FAAP20: variants seen among roughly 807,000 people sequenced by gnomAD.
FAAP20 encodes Fanconi anemia core complex-associated protein 20.
In FAAP20, 12 loss-of-function variants were observed where a neutral mutation model predicts 16.2. The observed-to-expected ratio is 0.74, with a 90% CI of 0.48 to 1.20. The LOEUF is 1.20. Among genes scored for constraint, FAAP20 ranks in the 50% most tolerant of loss-of-function variants. FAAP20 has a pLI of 0.00. For synonymous variants in FAAP20, 141 were observed against 110.7 expected, an observed-to-expected ratio of 1.27 and a Z score of -1.72; for missense variants, 288 against 245.8, an observed-to-expected ratio of 1.17 and a Z score of -1.15.
downstream of FAAP20, chr1:2,186,208 C>T (rs1322686494): frequency 8.5e-6 from 3 of 354,024 alleles, no homozygotes; most frequent in Non-Finnish European, 1.8e-5. Context: ...CCCCAGGCCT[C>T]CATGACTCAG....
At chr1:2,198,811 G>A (rs1379032161), upstream of FAAP20, 1 of 1,289,580 alleles carries the variant, frequency 7.8e-7, no homozygotes, top group South Asian at 1.2e-5. Context: ...CAGGAACTGG[G>A]CTGTGCTCCA....
chr1:2,210,936 G>A (rs1159368082), downstream of FAAP20, among the ~76,000 whole-genome samples: 3 of 152,246 alleles, frequency 2.0e-5, no homozygotes, highest in Non-Finnish European at 2.9e-5. Context: ...CCTGGGCTTA[G>A]CGACTGCTGC....
downstream of FAAP20, chr1:2,185,253 C>T (rs369643954): frequency 1.5e-5 from 11 of 713,796 alleles, no homozygotes; most frequent in Admixed American, 4.0e-5. Flanking sequence ...GCGGCGGATC[C>T]GCGGGGACCC....
chr1:2,207,187 C>T (rs1689289519), downstream of FAAP20, among the ~76,000 whole-genome samples: 1 of 152,040 alleles, frequency 6.6e-6, no homozygotes, highest in Admixed American at 6.6e-5. Flanking sequence ...CCCCAGGTTC[C>T]CAGTCTGCTG....
At chr1:2,191,564 G>C (rs1363800252) in intron 3 of FAAP20, 2 of 152,562 alleles carry the variant, frequency 1.3e-5, no homozygotes, top group African/African-American at 4.8e-5. Context: ...GACCAACATG[G>C]TGAAACCCTG....
At chr1:2,185,807 G>C (rs555157884), downstream of FAAP20, among the ~76,000 whole-genome samples, 155 of 152,342 alleles carry the variant, frequency 1.0e-3, no homozygotes, top group Middle Eastern at 0.01. Flanking sequence ...CTCGTGCGAC[G>C]CATTTGATTT....
chr1:2,194,203 G>A (rs1688599289), intron 1 of FAAP20, 70 bp from the exon 2 acceptor site: 15 of 1,579,422 alleles, frequency 9.5e-6, no homozygotes, highest in African/African-American at 1.4e-5. Context: ...AGACCCGGGA[G>A]GGCCTGGGGC....
At chr1:2,210,494 G>C (rs1161558366), downstream of FAAP20, among the ~76,000 whole-genome samples, 1 of 152,158 alleles carries the variant, frequency 6.6e-6, no homozygotes, top group Admixed American at 6.5e-5. Context: ...GCCAGGTGGG[G>C]GTGGGGCTGA....
chr1:2,192,240 G>A, intron 3 of FAAP20: 4 of 986,182 alleles, frequency 4.1e-6, no homozygotes, highest in Non-Finnish European at 4.8e-6. Context: ...TTGTCCCCCA[G>A]CTAGCCTGCC....
chr1:2,211,683 T>A (rs1346663689), downstream of FAAP20, among the ~76,000 whole-genome samples: 2 of 150,756 alleles, frequency 1.3e-5, no homozygotes, highest in Non-Finnish European at 3.0e-5. Flanking sequence ...TCTCCTGGCC[T>A]TGTGATCCGC....
rs569218780 is a variant in FAAP20 at position 2,189,834 on chromosome 1, A to G, written c.471-53T>C. 8 of 1,379,680 alleles carry G rather than the reference A, an allele frequency of 5.8e-6. No homozygotes were observed. In the East Asian group the frequency reaches 1.6e-4, roughly 28 times the overall value. 85.5% of individuals were successfully genotyped at this position (1,379,680 alleles called of 1,614,324 possible). On this transcript the variant is annotated intron_variant, in intron 3 of 3. Transcript: ENST00000378546. The stretch of plus-strand genomic sequence containing the variant: ...GCCACCTCCGCGGCATGCTGGCCGC[A>G]GAGAGCACCGTCTGGACCTCCGGGC...
intron 3 of FAAP20, among the ~76,000 whole-genome samples, chr1:2,204,951 A>G (rs1194845242): frequency 8.9e-5 from 2 of 22,378 alleles, no homozygotes; most frequent in Admixed American, 5.8e-4. Flanking sequence ...CCGCCCCTCA[A>G]GCCCCGCCCC....
downstream of FAAP20, chr1:2,185,131 G>A (rs143864233): frequency 2.0e-4 from 194 of 949,144 alleles, 1 homozygote; most frequent in African/African-American, 2.4e-3. Flanking sequence ...CGCTTGCGCC[G>A]AGACCGCAGA....
At chr1:2,202,225 C>A (rs1184641032), upstream of FAAP20, among the ~76,000 whole-genome samples, 1 of 152,200 alleles carries the variant, frequency 6.6e-6, no homozygotes, top group African/African-American at 2.4e-5. Flanking sequence ...GGGCTGCTCT[C>A]CCCTACCAGG....
rs763989535 is a variant in FAAP20, at chr1:2,193,751, G to C, written c.358C>G (p.Gln120Glu). 6.9e-6 allele frequency: 11 copies of C among 1,592,008 alleles called. No homozygotes were observed. The African/African-American group carries it at 1.5e-4, about 22-fold the overall frequency. ...HLESPARSLPQRPAPDPCRAP... is the reference protein window; with the variant it reads ...HLESPARSLPERPAPDPCRAP... ...CTGCAGGGATCAGGTGCCGGGCGCT[G>C]GGGCAGGGACCTGGCGGGGGATTCC... The change falls in exon 3 of 4, where the codon CAG becomes GAG. Residue 120 changes from glutamine (Q) to glutamate (E), a missense_variant. Coordinates refer to ENST00000378546, the MANE Select transcript of FAAP20 (RefSeq NM_182533.4).
chr1:2,184,550 C>A (rs45536443), downstream of FAAP20: 1 of 1,563,982 alleles, frequency 6.4e-7, no homozygotes, highest in Non-Finnish European at 8.8e-7. Flanking sequence ...GATGCCCGCG[C>A]GGAGCTGACC....
intron 3 of FAAP20, chr1:2,190,024 G>A (rs954872465): frequency 2.3e-5 from 14 of 605,186 alleles, no homozygotes. Context: ...CTGGGGGTGG[G>A]GAAGCTGTGT....
At chr1:2,205,454 G>A (rs1399700345) in intron 3 of FAAP20, among the ~76,000 whole-genome samples, 1 of 151,420 alleles carries the variant, frequency 6.6e-6, no homozygotes, top group African/African-American at 2.4e-5. Context: ...TTTCCTCCAG[G>A]TCCACAGGCC....
At chr1:2,198,778 C>T, upstream of FAAP20, 1 of 1,288,994 alleles carries the variant, frequency 7.8e-7, no homozygotes, top group Non-Finnish European at 1.0e-6. Context: ...AGCCAAAAGG[C>T]CCGGGCAGCC....
Sources: allele counts gnomAD v4.1 joint callset (sites outside exome capture counted in the v4.1 genomes callset), GRCh38; gene constraint gnomAD v4.1.1; transcripts MANE v1.5; gene names NCBI Gene and HGNC (gene_info 2026-07-23, HGNC 2026-07-21).